The following TM4SF18 variants were observed in gnomAD, a reference collection of about 807,000 sequenced individuals.
TM4SF18 encodes the protein transmembrane 4 L six family member 18.
A neutral mutation model predicts 23.8 loss-of-function variants in TM4SF18; 22 were observed. The observed-to-expected ratio is 0.92, with a 90% CI of 0.66 to 1.32. The LOEUF is 1.32. Among genes scored for constraint, TM4SF18 ranks in the 40% most tolerant of loss-of-function variants. TM4SF18 has a pLI of 0.00. For missense variants in TM4SF18, 255 were observed against 240.3 expected (o/e 1.06, Z -0.41); for synonymous variants, 87 against 87.9 (o/e 0.99, Z 0.06).
At chr3:149,321,825 C>A (rs1730815222) in intron 5 of TM4SF18, among the ~76,000 whole-genome samples, 1 of 152,160 alleles carries the variant, frequency 6.6e-6, no homozygotes, top group Non-Finnish European at 1.5e-5. Flanking sequence ...CACTCCTATG[C>A]ACTCGAGATA....
Position 149,330,355 on chromosome 3 carries a change from C to T in TM4SF18, c.242G>A (p.Ser81Asn). ...CACATATTTTTTGCTGCAGTTTTCA[C>T]TCTGGCAACATTTATAGTTGTTATT... ...ENNNNYKCCQ[S>N]ENCSKKYVTL... Residue 81 changes from serine to asparagine, a missense_variant, in exon 3 of 6, where the codon AGT becomes AAT. Coordinates refer to ENST00000296059, the MANE Select transcript of TM4SF18 (RefSeq NM_138786.4). 4 of 1,612,778 alleles carry T rather than the reference C, an allele frequency of 2.5e-6. No homozygotes were observed. The highest frequency in any genetic ancestry group is 3.4e-6 in the Non-Finnish European group (4 of 1,179,164).
chr3:149,330,021 T>C (rs1027672976), intron 3 of TM4SF18: 10 of 187,982 alleles, frequency 5.3e-5, no homozygotes, highest in Non-Finnish European at 7.6e-5. Context: ...CCACTTATTA[T>C]ATGTAATTTA....
At position 149,326,556 on chromosome 3, in the gene TM4SF18, G is replaced by T. The variant is rs192033840; in HGVS notation, c.268-1534C>A. ...TCAACTGATGGATTTAGCATCCACTGATGATCCTCATATTCATTGATTACC... is the reference window on the plus strand; with the variant it reads ...TCAACTGATGGATTTAGCATCCACTTATGATCCTCATATTCATTGATTACC... On this transcript the variant is annotated intron_variant, in intron 3 of 5. Transcript: ENST00000296059. 5.9e-5 allele frequency among the ~76,000 whole-genome samples: 9 copies of T among 152,310 alleles called. No homozygotes were observed. In the East Asian group the frequency reaches 1.7e-3, roughly 29 times the overall value.
Position 149,330,364 on chromosome 3 carries a change from C to T in TM4SF18, c.233G>A (p.Cys78Tyr). The T allele has an allele frequency of 1.2e-6, 2 of 1,612,626 alleles. No individual in the cohort carries two copies. Among genetic ancestry groups the T allele is most frequent in the Non-Finnish European group, 1.7e-6 (2 of 1,179,126 alleles). Residue 78 changes from cysteine to tyrosine, a missense_variant, in exon 3 of 6, where the codon TGT becomes TAT. By Grantham distance (194) the Cys-to-Tyr change is radical (BLOSUM62 -2). Coordinates refer to ENST00000296059, the MANE Select transcript of TM4SF18 (RefSeq NM_138786.4). ...TTTGCTGCAGTTTTCACTCTGGCAA[C>T]ATTTATAGTTGTTATTATTCTCCAG... ...LVLENNNNYK[C>Y]CQSENCSKKY...
intron 4 of TM4SF18, 25 bp from the exon 5 acceptor site, chr3:149,322,461 T>C (rs760114907): frequency 3.1e-6 from 5 of 1,600,496 alleles, no homozygotes; most frequent in Non-Finnish European, 3.4e-6. Flanking sequence ...TGGCCAAATC[T>C]ACATACTGGG....
At chr3:149,322,487 T>G in intron 4 of TM4SF18, 51 bp from the exon 5 acceptor site, 1 of 1,492,028 alleles carries the variant, frequency 6.7e-7, no homozygotes, top group Non-Finnish European at 9.1e-7. Context: ...GGAAGAAAGC[T>G]ACAAGCATTT....
chr3:149,322,905 C>CTTTTTTTTT (rs34338382), intron 4 of TM4SF18, among the ~76,000 whole-genome samples: 13 of 128,784 alleles, frequency 1.0e-4, no homozygotes, highest in Non-Finnish European at 1.5e-4. Flanking sequence ...GGCCTCCAGA[C>CTTTTTTTTT]TTTTTTTTTT....
In TM4SF18 at chr3:149,321,290, T is replaced by C; in HGVS notation, c.*188A>G. 2.4e-6 allele frequency: 1 copy of C among 425,492 alleles called. No homozygotes were observed. Among genetic ancestry groups the C allele is most frequent in the Non-Finnish European group, 4.3e-6 (1 of 231,442 alleles). The allele number at this position is 425,492 out of a possible 1,614,324, so 26.4% of individuals were successfully genotyped here. On this transcript the variant is annotated 3_prime_UTR_variant, in exon 6 of 6. Transcript: ENST00000296059. ...GTATTTCTGAAGTTTCTGATGCATA[T>C]TACTTAAAAAACATACTAAATGGAA...
Position 149,321,474 on chromosome 3 carries a change from T to G in TM4SF18, c.*4A>C. On this transcript the variant is annotated 3_prime_UTR_variant, in exon 6 of 6. Coordinates refer to ENST00000296059, the MANE Select transcript of TM4SF18 (RefSeq NM_138786.4). ...CTTGATAATGGAAAACATTTTGTCC[T>G]TATTCAAATGATTCCAGGCTATAGG... 1 of 1,572,020 alleles carries G rather than the reference T, an allele frequency of 6.4e-7. No homozygotes were observed. Among genetic ancestry groups the G allele is most frequent in the Non-Finnish European group, 8.7e-7 (1 of 1,154,710 alleles).
chr3:149,333,134 C>T (rs546527938), intron 2 of TM4SF18, 72 bp downstream of exon 2: 5 of 1,369,414 alleles, frequency 3.7e-6, no homozygotes, highest in Non-Finnish European at 5.0e-6. Flanking sequence ...TTATTCATTA[C>T]TTCTACTAGT....
chr3:149,326,603 G>A (rs937910935), intron 3 of TM4SF18, among the ~76,000 whole-genome samples: 1 of 152,116 alleles, frequency 6.6e-6, no homozygotes, highest in Non-Finnish European at 1.5e-5. Context: ...TGGTTCCAAT[G>A]TGCTGCTTTC....
intron 4 of TM4SF18, among the ~76,000 whole-genome samples, chr3:149,323,187 C>T (rs372743804): frequency 1.2e-3 from 176 of 152,134 alleles, no homozygotes; most frequent in African/African-American, 4.0e-3. Flanking sequence ...CATGAGCCAC[C>T]GCGCCTGGCC....
At chr3:149,330,102 C>T (rs1331931531) in intron 3 of TM4SF18, 1 of 333,870 alleles carries the variant, frequency 3.0e-6, no homozygotes, top group Non-Finnish European at 5.4e-6. Flanking sequence ...GTATTATTTC[C>T]TAATTTTAGG....
intron 2 of TM4SF18, among the ~76,000 whole-genome samples, chr3:149,332,333 C>T (rs1731104027): frequency 6.6e-6 from 1 of 152,134 alleles, no homozygotes; most frequent in African/African-American, 2.4e-5. Flanking sequence ...TTTTCTTCTA[C>T]ATTATTGGTG....
At chr3:149,321,588 A>G (rs1380158939) in intron 5 of TM4SF18, 96 bp from the exon 6 acceptor site, 2 of 760,814 alleles carry the variant, frequency 2.6e-6, no homozygotes, top group Non-Finnish European at 4.2e-6. Context: ...TATATTTCAT[A>G]TTCAAAATAT....
intron 3 of TM4SF18, among the ~76,000 whole-genome samples, chr3:149,325,366 A>AT (rs1730919154): frequency 6.6e-6 from 1 of 152,156 alleles, no homozygotes; most frequent in South Asian, 2.1e-4. Flanking sequence ...AAGACCTGTT[A>AT]TTTTCTAGGT....
Position 149,324,955 on chromosome 3 carries a change from G to A in TM4SF18, c.335C>T (p.Ala112Val), listed in dbSNP as rs1331230179. The A allele has an allele frequency of 6.2e-7, 1 of 1,614,046 alleles. No homozygotes were observed. The highest frequency in any genetic ancestry group is 1.3e-5 in the African/African-American group (1 of 74,918). Reference protein sequence around the residue: ...AFSGYCLVISALGLVQGPYCR... With the variant: ...AFSGYCLVISVLGLVQGPYCR... ...ATATGGCCCTTGGACAAGACCCAAG[G>A]CAGAGATGACCAGGCAGTATCCAGA... The change falls in exon 4 of 6, where the codon GCC becomes GTC. Residue 112 changes from alanine (A) to valine (V), a missense_variant. Physicochemically the swap from Ala to Val is moderately conservative, Grantham distance 64 (BLOSUM62 0). Coordinates refer to ENST00000296059, the MANE Select transcript of TM4SF18 (RefSeq NM_138786.4).
intron 4 of TM4SF18, among the ~76,000 whole-genome samples, chr3:149,324,027 T>G (rs1270439033): frequency 6.6e-6 from 1 of 152,198 alleles, no homozygotes; most frequent in East Asian, 1.9e-4. Flanking sequence ...ACATGGGCCT[T>G]GAACAATAAA....
At chr3:149,328,975 G>A (rs1283539238) in intron 3 of TM4SF18, among the ~76,000 whole-genome samples, 1 of 152,030 alleles carries the variant, frequency 6.6e-6, no homozygotes, top group Non-Finnish European at 1.5e-5. Flanking sequence ...AGTGAGTTAA[G>A]GCAAATTGAA....
Sources: gnomAD v4.1 joint callset for allele counts (sites outside exome capture counted in the v4.1 genomes callset) on GRCh38, gnomAD v4.1.1 for gene constraint, MANE v1.5 for transcripts, NCBI Gene and HGNC (gene_info 2026-07-23, HGNC 2026-07-21) for gene names.